Variants in RGS3 observed in about 807,000 individuals in gnomAD.
RGS3 encodes regulator of G-protein signalling 3.
Under a neutral mutation model 132.6 loss-of-function variants are expected in RGS3, and 80 were observed. The observed-to-expected ratio is 0.60, with a 90% CI of 0.50 to 0.73. RGS3 has a LOEUF of 0.73. Among genes scored for constraint, RGS3 ranks in the 30% least tolerant of loss-of-function variants. The pLI is 0.00. For synonymous variants in RGS3, 598 were observed against 620.6 expected, an observed-to-expected ratio of 0.96 and a Z score of 0.54; for missense variants, 1,382 against 1,530.8, an observed-to-expected ratio of 0.90 and a Z score of 1.62.
At chr9:113,479,179 C>G (rs1830083844) in intron 3 of RGS3, 1 of 374,712 alleles carries the variant, frequency 2.7e-6, no homozygotes, top group African/African-American at 2.0e-5. Context: ...CCTTTACCAA[C>G]ATTTGACAAC....
intron 19 of RGS3, among the ~76,000 whole-genome samples, chr9:113,575,218 A>G (rs1004806704): frequency 5.3e-5 from 8 of 152,150 alleles, no homozygotes; most frequent in Non-Finnish European, 1.2e-4. Flanking sequence ...GATAGCCAAG[A>G]GTAGGAAGGT....
chr9:113,482,882 G>A (rs1409814055), intron 4 of RGS3, 177 bp from the exon 3 acceptor site: 1 of 1,461,140 alleles, frequency 6.8e-7, no homozygotes, highest in Non-Finnish European at 9.0e-7. Flanking sequence ...AGCCAATGGT[G>A]GTTATGCAGA....
At position 113,591,652 on chromosome 9, in the gene RGS3, A is replaced by G. The variant is rs1401423354; in HGVS notation, c.3080+255A>G. ...CGGAAGCCACAGTGAACCAGAAGCAACCAGCCCGTTTGCCCTGGCTTTAGC... is the reference window on the plus strand; with the variant it reads ...CGGAAGCCACAGTGAACCAGAAGCAGCCAGCCCGTTTGCCCTGGCTTTAGC... On this transcript the variant is annotated intron_variant, in intron 21 of 24. Coordinates refer to ENST00000350696, the Ensembl canonical transcript of RGS3. This position sits in a 1 kb window ranked among gnomAD's most constrained non-coding sequence, Gnocchi z 4.4. The G allele has an allele frequency of 8.4e-6, 4 of 478,872 alleles. No individual in the cohort carries two copies. The highest frequency in any genetic ancestry group is 7.8e-5 in the African/African-American group (4 of 51,494). The allele number at this position is 478,872 out of a possible 1,614,324, so 29.7% of individuals were successfully genotyped here. A position where few individuals can be genotyped will look rare whatever the true frequency, so the allele number is the denominator to read the frequency against.
chr9:113,596,758 G>GCCTCC lies in RGS3; in HGVS notation c.3412-7_3412-3dup. ...GGCAGCCCTGACCATGTCCCCCTCTGCCTCCCCAGGTCAACCTGGACTCCT... is the reference window on the plus strand; with the variant it reads ...GGCAGCCCTGACCATGTCCCCCTCTGCCTCCCCTCCCCAGGTCAACCTGGACTCCT... On this transcript the variant is annotated splice_polypyrimidine_tract_variant and intron_variant, in intron 24 of 24. Transcript: ENST00000350696. 1 of 1,602,750 alleles carries GCCTCC rather than the reference G, an allele frequency of 6.2e-7. No homozygotes were observed.
Position 113,464,753 on chromosome 9 carries a change from C to T in RGS3, c.415+2552C>T, listed in dbSNP as rs961386649. On this transcript the variant is annotated intron_variant, in intron 3 of 24. Coordinates refer to ENST00000350696, the Ensembl canonical transcript of RGS3. ...GCGCATTTTTGTTTGAACTTGCATA[C>T]AATTTCCTTCTAAAGGTTGGGGCTG... Among the ~76,000 whole-genome samples, 20 of 152,210 alleles carry T rather than the reference C, an allele frequency of 1.3e-4. 1 individual carries two copies. The highest frequency in any genetic ancestry group is 4.6e-4 in the African/African-American group (19 of 41,452).
intron 16 of RGS3, among the ~76,000 whole-genome samples, chr9:113,517,916 A>G (rs963553253): frequency 2.6e-5 from 4 of 152,170 alleles, no homozygotes; most frequent in Admixed American, 6.5e-5. Context: ...AGAGATGGCA[A>G]TTTACCCTGG....
rs369988935 is a variant in RGS3, at chr9:113,452,917, T to C, written c.-12-7328T>C. Among the ~76,000 whole-genome samples the C allele has an allele frequency of 3.7e-5, 5 of 136,950 alleles. No individual in the cohort carries two copies. In the Admixed American group the frequency reaches 4.0e-4, roughly 11 times the overall value. 89.8% of individuals were successfully genotyped at this position (136,950 alleles called of 152,430 possible). ...TATATATATAAATATATATTATATA[T>C]TTATATATAATATATAAATAAAATA... is the stretch of plus-strand genomic sequence containing the variant. On this transcript the variant is annotated intron_variant, in intron 1 of 25. Transcript: ENST00000374140.
rs185655232 is a variant in RGS3, at chr9:113,567,741, A to G, written c.2038-15709A>G. On this transcript the variant is annotated intron_variant, in intron 19 of 24. Transcript: ENST00000350696. ...GCCTGGGCCATGGAGGGTGGAGGGG[A>G]TAGCCCTGGCTTGTTGAAATGCAAT... is the stretch of plus-strand genomic sequence containing the variant. Among the ~76,000 whole-genome samples, 368 of 152,310 alleles carry G rather than the reference A, an allele frequency of 2.4e-3. 2 individuals are homozygous for G. The highest frequency in any genetic ancestry group is 8.1e-3 in the African/African-American group (337 of 41,562).
chr9:113,572,911 T>G (rs1834353288), intron 19 of RGS3, among the ~76,000 whole-genome samples: 1 of 152,236 alleles, frequency 6.6e-6, no homozygotes, highest in Admixed American at 6.5e-5. Context: ...TGTCCTAGGC[T>G]GCTGTAAGGG....
chr9:113,529,933 T>C (rs1832394061), intron 18 of RGS3, among the ~76,000 whole-genome samples: 1 of 152,256 alleles, frequency 6.6e-6, no homozygotes, highest in African/African-American at 2.4e-5. Flanking sequence ...TCATTAAGGC[T>C]GGGGTTTAAC....
intron 17 of RGS3, among the ~76,000 whole-genome samples, chr9:113,528,009 T>C (rs187483238): frequency 8.6e-4 from 131 of 152,198 alleles, no homozygotes; most frequent in Non-Finnish European, 1.4e-3. Flanking sequence ...TCTTCCTTAC[T>C]CCTGGGCAAG....
At chr9:113,539,703 C>A (rs1416831909) in intron 19 of RGS3, among the ~76,000 whole-genome samples, 1 of 152,214 alleles carries the variant, frequency 6.6e-6, no homozygotes, top group Non-Finnish European at 1.5e-5. Flanking sequence ...CCCCAAACTC[C>A]CATGCTCTTT....
At chr9:113,530,620 T>C (rs1427983955) in intron 18 of RGS3, among the ~76,000 whole-genome samples, 1 of 152,248 alleles carries the variant, frequency 6.6e-6, no homozygotes, top group Non-Finnish European at 1.5e-5. Flanking sequence ...TTAATGCCAA[T>C]AGAGCTTCCT....
At chr9:113,556,547 C>T (rs1833574298) in intron 19 of RGS3, among the ~76,000 whole-genome samples, 4 of 152,092 alleles carry the variant, frequency 2.6e-5, no homozygotes. Context: ...TACAAGGTCG[C>T]ATAATTAGGA....
At chr9:113,501,606 G>A (rs1255100791) in intron 10 of RGS3, 2 of 1,561,616 alleles carry the variant, frequency 1.3e-6, no homozygotes, top group African/African-American at 1.3e-5. Context: ...TCTGCAAGGT[G>A]TGCTCGGAGC....
intron 14 of RGS3, among the ~76,000 whole-genome samples, chr9:113,512,938 T>G (rs1302010041): frequency 1.3e-5 from 2 of 152,198 alleles, no homozygotes; most frequent in South Asian, 2.1e-4. Context: ...GGCTCATGCC[T>G]GTAATCCCAG....
chr9:113,480,458 CAAAAA>C (rs755925249), intron 4 of RGS3, among the ~76,000 whole-genome samples: 8 of 65,906 alleles, frequency 1.2e-4, no homozygotes, highest in Non-Finnish European at 1.8e-4. Flanking sequence ...GACTCCGTCT[CAAAAA>C]AAAAAAAAAA....
At chr9:113,549,428 G>GT (rs934046187) in intron 19 of RGS3, among the ~76,000 whole-genome samples, 2 of 151,712 alleles carry the variant, frequency 1.3e-5, no homozygotes, top group African/African-American at 2.4e-5. Context: ...ATGGGAAGGT[G>GT]TTTTTTTTCT....
At chr9:113,593,947 A>G (rs1835581084) in intron 21 of RGS3, 3 of 1,612,454 alleles carry the variant, frequency 1.9e-6, no homozygotes, top group African/African-American at 1.3e-5. Context: ...AGTCACAAAT[A>G]GCTGGGACTG....
Sources: gnomAD v4.1 joint callset for allele counts (sites outside exome capture counted in the v4.1 genomes callset) on GRCh38, gnomAD v4.1.1 for gene constraint, Gnocchi (gnomAD v3.1) non-coding constraint, MANE v1.5 for transcripts, NCBI Gene and HGNC (gene_info 2026-07-23, HGNC 2026-07-21) for gene names.